Variants in CELF2 observed in about 807,000 individuals in gnomAD.
CELF2 encodes the protein CUGBP Elav-like family member 2.
Under a neutral mutation model 62.6 loss-of-function variants are expected in CELF2, and 8 were observed. The observed-to-expected ratio is 0.13, with a 90% CI of 0.07 to 0.23. CELF2 has a LOEUF of 0.23. Ranked by LOEUF, CELF2 falls within the 10% of genes least tolerant of loss-of-function variation. CELF2 has a pLI of 1.00. For missense variants in CELF2, 333 were observed against 671.0 expected, an observed-to-expected ratio of 0.50 and a Z score of 5.56; for synonymous variants, 258 against 250.0, an observed-to-expected ratio of 1.03 and a Z score of -0.30.
At chr10:10,710,849 T>A in the CELF2 span, among the ~76,000 whole-genome samples, 2 of 152,168 alleles carry the variant, frequency 1.3e-5, no homozygotes, top group African/African-American at 4.8e-5. Flanking sequence ...GGCATACAAC[T>A]GAGACGTTGA....
intron 1 of CELF2, among the ~76,000 whole-genome samples, chr10:11,041,555 A>G (rs978365301): frequency 6.6e-6 from 1 of 152,240 alleles, no homozygotes; most frequent in African/African-American, 2.4e-5. Context: ...GTGCAGCTAT[A>G]GATGGTATCA....
At chr10:10,847,894 ATGAC>A (rs998384406) in intron 1 of CELF2, among the ~76,000 whole-genome samples, 5 of 152,230 alleles carry the variant, frequency 3.3e-5, no homozygotes, top group Non-Finnish European at 7.3e-5. Context: ...CACAGCAAAA[ATGAC>A]TGTATTTAAA....
At chr10:11,257,568 C>CA (rs745934709) in intron 4 of CELF2, 170 bp from the exon 5 acceptor site, 60 of 608,650 alleles carry the variant, frequency 9.9e-5, no homozygotes, top group Non-Finnish European at 1.6e-4. Context: ...GAGGGAGTGG[C>CA]AGGGTGGGGC....
Position 11,046,242 on chromosome 10 carries a change from C to T in CELF2, c.74+28079C>T, listed in dbSNP as rs376128068. On this transcript the variant is annotated intron_variant, in intron 1 of 12. Transcript: ENST00000633077. This position sits in a 1 kb window ranked among gnomAD's most constrained non-coding sequence, Gnocchi z 4.6. ...CCCATCCCCAGACGTTCCGATTCAG[C>T]GGGTCCAAGGTGGGGCTGGGAATTT... Among the ~76,000 whole-genome samples, 52 of 152,302 alleles carry T rather than the reference C, an allele frequency of 3.4e-4. No homozygotes were observed. The highest frequency in any genetic ancestry group is 1.1e-3 in the African/African-American group (46 of 41,574).
chr10:10,485,562 T>C, the CELF2 span, among the ~76,000 whole-genome samples: 1 of 152,222 alleles, frequency 6.6e-6, no homozygotes, highest in South Asian at 2.1e-4. Context: ...GAAAATGGTG[T>C]CATTCCCCAT....
chr10:10,862,036 A>G (rs1374962668), intron 1 of CELF2, among the ~76,000 whole-genome samples: 1 of 152,216 alleles, frequency 6.6e-6, no homozygotes, highest in African/African-American at 2.4e-5. Flanking sequence ...CTAGCTCTTC[A>G]TATTAACATA....
the CELF2 span, among the ~76,000 whole-genome samples, chr10:10,676,090 G>A: frequency 6.6e-6 from 1 of 152,202 alleles, no homozygotes; most frequent in Non-Finnish European, 1.5e-5. Context: ...TAGTGGTAAG[G>A]TGTGGGGGAA....
chr10:11,322,530 G>A (rs751876027), intron 11 of CELF2, among the ~76,000 whole-genome samples: 32 of 152,042 alleles, frequency 2.1e-4, no homozygotes, highest in Non-Finnish European at 7.4e-5. Flanking sequence ...AAGCACTAAG[G>A]GAGATTTTTT....
At chr10:10,690,460 C>T in the CELF2 span, among the ~76,000 whole-genome samples, 1 of 152,144 alleles carries the variant, frequency 6.6e-6, no homozygotes, top group Admixed American at 6.5e-5. Context: ...GTATAAAATA[C>T]AGTGAGTGCC....
the CELF2 span, among the ~76,000 whole-genome samples, chr10:10,512,944 T>C: frequency 6.6e-6 from 1 of 152,188 alleles, no homozygotes; most frequent in African/African-American, 2.4e-5. Context: ...CACTGCTTTA[T>C]AAGAAGCTGC....
the CELF2 span, among the ~76,000 whole-genome samples, chr10:10,469,739 T>A: frequency 6.6e-6 from 1 of 151,828 alleles, no homozygotes; most frequent in Admixed American, 6.6e-5. Flanking sequence ...CTTCCTTAAG[T>A]GTTTGATGGA....
At chr10:10,945,562 G>A (rs1329457891) in intron 2 of CELF2, among the ~76,000 whole-genome samples, 2 of 152,220 alleles carry the variant, frequency 1.3e-5, no homozygotes, top group Non-Finnish European at 1.5e-5. Context: ...AGGTGGGCTT[G>A]CCAGCACAGC....
chr10:10,842,466 G>T (rs2058746161), intron 1 of CELF2, among the ~76,000 whole-genome samples: 1 of 151,910 alleles, frequency 6.6e-6, no homozygotes, highest in Non-Finnish European at 1.5e-5. Context: ...GGAAGTTTCT[G>T]TGCATTCCTT....
chr10:10,769,267 T>C, the CELF2 span, among the ~76,000 whole-genome samples: 1 of 152,126 alleles, frequency 6.6e-6, no homozygotes, highest in African/African-American at 2.4e-5. Context: ...TTCTCCTGTC[T>C]TAAAGAATGA....
the CELF2 span, among the ~76,000 whole-genome samples, chr10:10,507,914 G>A: frequency 6.6e-6 from 1 of 152,120 alleles, no homozygotes; most frequent in African/African-American, 2.4e-5. Flanking sequence ...CGGTTCCAGG[G>A]CTAGCATCTA....
the CELF2 span, among the ~76,000 whole-genome samples, chr10:10,666,707 A>C: frequency 6.5e-5 from 8 of 123,354 alleles, no homozygotes; most frequent in Non-Finnish European, 1.3e-4. Flanking sequence ...CTAAAAATAC[A>C]AAAAATTAGC....
the CELF2 span, among the ~76,000 whole-genome samples, chr10:10,587,117 G>T: frequency 6.6e-6 from 1 of 152,120 alleles, no homozygotes; most frequent in Non-Finnish European, 1.5e-5. Flanking sequence ...TAACCACTTT[G>T]TCATGCTACT....
chr10:10,730,482 T>C, the CELF2 span, among the ~76,000 whole-genome samples: 1 of 151,476 alleles, frequency 6.6e-6, no homozygotes, highest in Non-Finnish European at 1.5e-5. Context: ...GTCTCAAAAA[T>C]AAAAAATAAA....
the CELF2 span, among the ~76,000 whole-genome samples, chr10:10,487,009 A>T: frequency 6.6e-6 from 1 of 152,176 alleles, no homozygotes; most frequent in Non-Finnish European, 1.5e-5. Flanking sequence ...TCCATCGTAT[A>T]TGCCTAGGGG....
Sources: allele counts gnomAD v4.1 joint callset (sites outside exome capture counted in the v4.1 genomes callset), GRCh38; gene constraint gnomAD v4.1.1; non-coding constraint Gnocchi (gnomAD v3.1); transcripts MANE v1.5; gene names NCBI Gene and HGNC (gene_info 2026-07-23, HGNC 2026-07-21).